SLC17A3: variants seen among roughly 807,000 people sequenced by gnomAD.
SLC17A3 encodes sodium-dependent phosphate transport protein 4.
In SLC17A3, 61 loss-of-function variants were observed where a neutral mutation model predicts 60.3. The observed-to-expected ratio is 1.01, with a 90% CI of 0.82 to 1.25. SLC17A3 has a LOEUF of 1.25. SLC17A3 is among the 50% of genes most tolerant of loss of function. SLC17A3 has a pLI of 0.00. For missense variants in SLC17A3, 624 were observed against 594.9 expected (o/e 1.05, Z -0.51); for synonymous variants, 192 against 208.9 (o/e 0.92, Z 0.70).
chr6:25,859,198 C>G (rs746492111), intron 5 of SLC17A3, among the ~76,000 whole-genome samples: 1 of 152,030 alleles, frequency 6.6e-6, no homozygotes, highest in South Asian at 2.1e-4. Context: ...CCATGTTTAT[C>G]TTTGAATATA....
chr6:25,861,146 A>G (rs1356821010), intron 5 of SLC17A3, among the ~76,000 whole-genome samples: 1 of 152,206 alleles, frequency 6.6e-6, no homozygotes, highest in East Asian at 1.9e-4. Context: ...CATTCAGAGC[A>G]CAGTATCCAG....
At chr6:25,850,380 C>T in intron 8 of SLC17A3, 79 bp downstream of exon 8, 2 of 1,460,258 alleles carry the variant, frequency 1.4e-6, no homozygotes, top group Non-Finnish European at 9.6e-7. Flanking sequence ...ATACATTTCT[C>T]AGATGGAATG....
rs1581521013 is a variant in SLC17A3 at position 25,850,517 on chromosome 6, G to T, written c.935C>A (p.Thr312Lys). ...GCFSHQWLVS[T>K]MVVYIPTYIS... is the part of the protein sequence containing the mutation. ...GTAAGTTGGTATGTATACAACCATT[G>T]TGCTAACTAACCATTGATGGCTGAA... Residue 312 changes from threonine to lysine, a missense_variant, in exon 8 of 13, where the codon ACA becomes AAA. Thr to Lys is a moderately conservative substitution (Grantham distance 78). Coordinates refer to ENST00000397060, the MANE Select transcript of SLC17A3 (RefSeq NM_001098486.2). 4 of 1,613,844 alleles carry T rather than the reference G, an allele frequency of 2.5e-6. No individual in the cohort carries two copies. Among genetic ancestry groups the T allele is most frequent in the Non-Finnish European group, 3.4e-6 (4 of 1,179,772 alleles).
At position 25,854,416 on chromosome 6, in the gene SLC17A3, C is replaced by T. The variant is rs9467622; in HGVS notation, c.712+728G>A. On this transcript the variant is annotated intron_variant, in intron 6 of 12. Coordinates refer to ENST00000397060, the MANE Select transcript of SLC17A3 (RefSeq NM_001098486.2). ...CATTCTTATCTGATATTAATATATC[C>T]CCCCAGTTTTCTCTTGATTAATGTT... Among the ~76,000 whole-genome samples the T allele has an allele frequency of 8.6e-5, 11 of 128,256 alleles. No homozygotes were observed. In the East Asian group the frequency reaches 2.2e-3, roughly 26 times the overall value. The allele number at this position is 128,256 out of a possible 152,430, so 84.1% of individuals were successfully genotyped here.
intron 5 of SLC17A3, among the ~76,000 whole-genome samples, 178 bp from the exon 6 acceptor site, chr6:25,855,408 A>C (rs1765342577): frequency 6.6e-6 from 1 of 152,250 alleles, no homozygotes; most frequent in Non-Finnish European, 1.5e-5. Flanking sequence ...TGTTCTCCTG[A>C]GAGCACATTT....
chr6:25,866,536 A>C (rs1327971085), intron 2 of SLC17A3, among the ~76,000 whole-genome samples: 1 of 151,986 alleles, frequency 6.6e-6, no homozygotes, highest in Non-Finnish European at 1.5e-5. Flanking sequence ...TAATAAATGT[A>C]TGTTGTTTCA....
At chr6:25,847,424 A>AATTG in intron 11 of SLC17A3, among the ~76,000 whole-genome samples, 2 of 152,220 alleles carry the variant, frequency 1.3e-5, no homozygotes, top group African/African-American at 4.8e-5. Context: ...TTGGGTATAT[A>AATTG]CCCAGTAATG....
rs1342661101 is a variant in SLC17A3 at position 25,849,867 on chromosome 6, A to G, written c.1209T>C (p.Ser403=). 6.2e-7 allele frequency: 1 copy of G among 1,614,050 alleles called. No homozygotes were observed. The highest frequency in any genetic ancestry group is 8.5e-7 in the Non-Finnish European group (1 of 1,179,850). ...YITATALLTL[S]CGLSTLCQSG... ...ACTGACACAATGTGCTTAATCCGCAAGAGAGCGTCAGCAAGGCAGTTGCTG... is the reference window on the plus strand; with the variant it reads ...ACTGACACAATGTGCTTAATCCGCAGGAGAGCGTCAGCAAGGCAGTTGCTG... The change falls in exon 10 of 13, where the codon TCT becomes TCC. Residue 403 remains serine, a synonymous_variant. Transcript: ENST00000397060.
chr6:25,854,447 G>T (rs1287912020), intron 6 of SLC17A3, among the ~76,000 whole-genome samples: 2 of 152,102 alleles, frequency 1.3e-5, no homozygotes, highest in African/African-American at 4.8e-5. Context: ...ATGTTTCCAT[G>T]GTAACTAACA....
chr6:25,868,429 G>A lies in SLC17A3; in HGVS notation c.-33-9C>T, dbSNP rs1765575418. On this transcript the variant is annotated splice_polypyrimidine_tract_variant and intron_variant, in intron 1 of 12. Coordinates refer to ENST00000397060, the MANE Select transcript of SLC17A3 (RefSeq NM_001098486.2). ...TAGTGAATGGTTTTCACCTATCAGG[G>A]AGATATGTAATTCACATGCATCAGT... 2 of 1,495,092 alleles carry A rather than the reference G, an allele frequency of 1.3e-6. No individual in the cohort carries two copies. The highest frequency in any genetic ancestry group is 1.4e-5 in the African/African-American group (1 of 72,534). 92.6% of individuals were successfully genotyped at this position (1,495,092 alleles called of 1,614,324 possible). A position where few individuals can be genotyped will look rare whatever the true frequency, so the allele number is the denominator to read the frequency against.
intron 2 of SLC17A3, among the ~76,000 whole-genome samples, chr6:25,864,291 T>C (rs1335059766): frequency 2.0e-5 from 3 of 151,894 alleles, no homozygotes; most frequent in Non-Finnish European, 4.4e-5. Context: ...TTGAGTGGGA[T>C]GGGGGCCACT....
chr6:25,873,356 G>T (rs1402252908), intron 1 of SLC17A3, among the ~76,000 whole-genome samples: 1 of 152,064 alleles, frequency 6.6e-6, no homozygotes, highest in African/African-American at 2.4e-5. Context: ...AGAAGTTTCT[G>T]GTCCAAAGCA....
intron 5 of SLC17A3, among the ~76,000 whole-genome samples, chr6:25,856,436 G>A (rs1299701187): frequency 6.6e-6 from 1 of 152,170 alleles, no homozygotes; most frequent in Non-Finnish European, 1.5e-5. Context: ...TGGGAATCTT[G>A]CTGTGTTGCC....
intron 5 of SLC17A3, among the ~76,000 whole-genome samples, chr6:25,858,307 A>C (rs1262882885): frequency 1.3e-5 from 2 of 152,064 alleles, no homozygotes; most frequent in African/African-American, 4.8e-5. Context: ...CTTTCTTCTT[A>C]TTCTTTCCTC....
At position 25,858,619 on chromosome 6, in the gene SLC17A3, C is replaced by G. The variant is rs188105406; in HGVS notation, c.625+3005G>C. ...CCCTTGATTTTCTCCTCTTCTCCAT[C>G]TATGTTCTTTCTCTAGGTGGTCTTG... On this transcript the variant is annotated intron_variant, in intron 5 of 12. Transcript: ENST00000397060. Among the ~76,000 whole-genome samples the G allele has an allele frequency of 1.2e-4, 19 of 152,260 alleles. No individual in the cohort carries two copies. In the East Asian group the frequency reaches 3.3e-3, roughly 26 times the overall value.
intron 2 of SLC17A3, among the ~76,000 whole-genome samples, chr6:25,866,341 C>T (rs1765536396): frequency 1.3e-5 from 2 of 152,140 alleles, no homozygotes; most frequent in African/African-American, 2.4e-5. Context: ...CTCAGTCATA[C>T]AGGTATAAGA....
At position 25,845,258 on chromosome 6, in the gene SLC17A3, C is replaced by G; in HGVS notation, c.*43G>C. 8.7e-7 allele frequency: 1 copy of G among 1,142,878 alleles called. No homozygotes were observed. The highest frequency in any genetic ancestry group is 2.8e-4 in the Middle Eastern group (1 of 3,586). The allele number at this position is 1,142,878 out of a possible 1,614,324, so 70.8% of individuals were successfully genotyped here. ...CATCACGGAAGCCTTCTATTTTATGCAATACGGTGCCTAATGACTTTTCCA... is the reference window on the plus strand; with the variant it reads ...CATCACGGAAGCCTTCTATTTTATGGAATACGGTGCCTAATGACTTTTCCA... On this transcript the variant is annotated 3_prime_UTR_variant, in exon 13 of 13. Transcript: ENST00000397060.
At chr6:25,860,991 C>T (rs1340785286) in intron 5 of SLC17A3, among the ~76,000 whole-genome samples, 4 of 152,138 alleles carry the variant, frequency 2.6e-5, no homozygotes, top group African/African-American at 9.7e-5. Flanking sequence ...GGGTCCCTGG[C>T]TTCTTGGTAC....
In SLC17A3 at chr6:25,845,392, G is replaced by A; in HGVS notation, c.1487C>T (p.Thr496Ile). Residue 496 changes from threonine to isoleucine, a missense_variant, in exon 12 of 13, where the codon ACT becomes ATT. By Grantham distance (89) the Thr-to-Ile change is moderately conservative. Transcript: ENST00000397060. ...CACTATCCTTTACCTTCATAAACGAGTGAGTTTTCTCTCTTTAGCCCATTC... is the reference window on the plus strand; with the variant it reads ...CACTATCCTTTACCTTCATAAACGAATGAGTTTTCTCTCTTTAGCCCATTC... The part of the protein sequence containing the change: ...VQEWAKERKL[T>I]RL 1.2e-6 allele frequency: 2 copies of A among 1,613,898 alleles called. No homozygotes were observed. The highest frequency in any genetic ancestry group is 8.5e-7 in the Non-Finnish European group (1 of 1,179,900).
Sources: gnomAD v4.1 joint callset for allele counts (sites outside exome capture counted in the v4.1 genomes callset) on GRCh38, gnomAD v4.1.1 for gene constraint, MANE v1.5 for transcripts, NCBI Gene and HGNC (gene_info 2026-07-23, HGNC 2026-07-21) for gene names.